Variants in CACNA1C observed in about 807,000 individuals in gnomAD.
CACNA1C encodes voltage-dependent L-type calcium channel subunit alpha-1C.
In CACNA1C, 30 loss-of-function variants were observed where a neutral mutation model predicts 229.0. That is an observed-to-expected ratio of 0.13 (90% confidence interval 0.10 to 0.18). The LOEUF (loss-of-function observed/expected upper bound fraction) is 0.18. Ranked by LOEUF, CACNA1C falls within the 10% of genes least tolerant of loss-of-function variation. CACNA1C has a pLI of 1.00. For synonymous variants in CACNA1C, 1,114 were observed against 1,132.5 expected (o/e 0.98, Z 0.33); for missense variants, 1,658 against 2,845.0 (o/e 0.58, Z 9.49).
At chr12:2,548,277 GC>G (rs1433117715) in intron 9 of CACNA1C, among the ~76,000 whole-genome samples, 3 of 152,174 alleles carry the variant, frequency 2.0e-5, no homozygotes, top group Non-Finnish European at 4.4e-5. Context: ...GGAATTCAGT[GC>G]CCCTGTTTGG....
intron 37 of CACNA1C, among the ~76,000 whole-genome samples, chr12:2,667,582 C>T (rs2096273261): frequency 1.3e-5 from 2 of 152,146 alleles, no homozygotes; most frequent in African/African-American, 2.4e-5. Context: ...TTTCCAAGGG[C>T]ATAGAAAATA....
intron 9 of CACNA1C, among the ~76,000 whole-genome samples, chr12:2,528,416 C>T (rs897768292): frequency 7.9e-5 from 12 of 152,208 alleles, no homozygotes; most frequent in African/African-American, 2.9e-4. Context: ...TTCTTAAGTC[C>T]TCAGACTCCT....
intron 3 of CACNA1C, among the ~76,000 whole-genome samples, chr12:2,409,244 A>G (rs1313804989): frequency 6.6e-6 from 1 of 152,160 alleles, no homozygotes; most frequent in African/African-American, 2.4e-5. Flanking sequence ...TTGAATTGGG[A>G]TGTTTGGGTT....
chr12:2,053,692 C>T lies in CACNA1C; in HGVS notation c.49+81C>T. The T allele has an allele frequency of 2.1e-6, 3 of 1,413,170 alleles. No individual in the cohort carries two copies. Among genetic ancestry groups the T allele is most frequent in the South Asian group, 1.4e-5 (1 of 70,158 alleles). 87.5% of individuals were successfully genotyped at this position (1,413,170 alleles called of 1,614,324 possible). On this transcript the variant is annotated intron_variant, in intron 1 of 46. Coordinates refer to ENST00000399655, the MANE Select transcript of CACNA1C (RefSeq NM_000719.7). The surrounding 1 kb of genome is among the most constrained non-coding windows in gnomAD (Gnocchi z 5.8). ...TGCCCTACCCGCGCTCCCCGCGGCCCCGGGGCCGGTCCCTGCGGAGTGGCC... is the reference window on the plus strand; with the variant it reads ...TGCCCTACCCGCGCTCCCCGCGGCCTCGGGGCCGGTCCCTGCGGAGTGGCC...
intron 19 of CACNA1C, 95 bp downstream of exon 19, chr12:2,593,440 A>T: frequency 7.6e-7 from 1 of 1,309,620 alleles, no homozygotes. Flanking sequence ...ATGGAGACTG[A>T]GACTCTCCCA....
chr12:2,604,520 G>A (rs2074351514), intron 22 of CACNA1C, among the ~76,000 whole-genome samples: 1 of 152,110 alleles, frequency 6.6e-6, no homozygotes, highest in African/African-American at 2.4e-5. Flanking sequence ...CGTTAGTACG[G>A]CATTCCTTTA....
chr12:2,228,017 C>G (rs574082010), intron 3 of CACNA1C, among the ~76,000 whole-genome samples: 3 of 152,254 alleles, frequency 2.0e-5, no homozygotes, highest in Admixed American at 1.3e-4. Flanking sequence ...TGCAAGATGT[C>G]CTTAGGTGGT....
At chr12:2,419,535 C>T (rs2098952574) in intron 3 of CACNA1C, among the ~76,000 whole-genome samples, 1 of 152,124 alleles carries the variant, frequency 6.6e-6, no homozygotes, top group Admixed American at 6.5e-5. Flanking sequence ...AGTTCCCTTT[C>T]TTTCTGTCAT....
At chr12:2,541,387 A>T (rs138052807) in intron 9 of CACNA1C, among the ~76,000 whole-genome samples, 1 of 152,366 alleles carries the variant, frequency 6.6e-6, no homozygotes, top group East Asian at 1.9e-4. Context: ...TATGCCGCTC[A>T]TATGCAAAAA....
chr12:2,444,946 C>T (rs1323137621), intron 3 of CACNA1C, among the ~76,000 whole-genome samples: 3 of 152,180 alleles, frequency 2.0e-5, no homozygotes, highest in African/African-American at 7.2e-5. Flanking sequence ...CGTATCTCAC[C>T]AGGTCATTCC....
In CACNA1C at chr12:2,649,801, T is replaced by C. The variant is rs934239103; in HGVS notation, c.3945+1294T>C. ...TCTCCACTTAAGCTTGTTCTTTTTT[T>C]TCTCCTTTCTCGAACACGGTGGAAC... On this transcript the variant is annotated intron_variant, in intron 31 of 46. Transcript: ENST00000399655. The surrounding 1 kb of genome is among the most constrained non-coding windows in gnomAD (Gnocchi z 4.4). Among the ~76,000 whole-genome samples the C allele has an allele frequency of 6.6e-6, 1 of 152,124 alleles. No homozygotes were observed. Among genetic ancestry groups the C allele is most frequent in the African/African-American group, 2.4e-5 (1 of 41,390 alleles).
chr12:2,440,314 TCTA>T (rs1373290838), intron 3 of CACNA1C, among the ~76,000 whole-genome samples: 1 of 152,156 alleles, frequency 6.6e-6, no homozygotes, highest in East Asian at 1.9e-4. Context: ...TAACCCGTAA[TCTA>T]CTGTGTGTCT....
chr12:2,214,742 C>CA (rs2059551146), intron 3 of CACNA1C, among the ~76,000 whole-genome samples: 1 of 50,306 alleles, frequency 2.0e-5, no homozygotes, highest in African/African-American at 1.5e-4. Context: ...GGTGTCACCG[C>CA]CAGCCCCCTT....
intron 3 of CACNA1C, among the ~76,000 whole-genome samples, chr12:2,279,843 A>T (rs2090412872): frequency 6.6e-6 from 1 of 152,196 alleles, no homozygotes; most frequent in Non-Finnish European, 1.5e-5. Flanking sequence ...ATATGGAGGG[A>T]TGTGGATAGG....
chr12:2,205,428 A>G (rs1379558593), intron 3 of CACNA1C, among the ~76,000 whole-genome samples: 2 of 152,212 alleles, frequency 1.3e-5, no homozygotes, highest in African/African-American at 4.8e-5. Context: ...CTTAATGTGA[A>G]AAGTCTGCTT....
chr12:2,697,786 C>G lies in CACNA1C; in HGVS notation c.*6587C>G, dbSNP rs1014843679. The G allele has an allele frequency of 6.6e-6, 1 of 152,596 alleles. No homozygotes were observed. Among genetic ancestry groups the G allele is most frequent in the Admixed American group, 6.5e-5 (1 of 15,284 alleles). The allele number at this position is 152,596 out of a possible 1,614,324, so 9.5% of individuals were successfully genotyped here. ...TCACCCTCGAGAAAGGCCAGGGAAT[C>G]TAGAAGGGGCAACCCTTCAAGGAGA... is the stretch of plus-strand genomic sequence containing the variant. On this transcript the variant is annotated 3_prime_UTR_variant, in exon 47 of 47. Transcript: ENST00000399655.
At chr12:2,613,509 T>C (rs886313516) in intron 29 of CACNA1C, 4 of 152,248 alleles carry the variant, frequency 2.6e-5, no homozygotes, top group African/African-American at 9.6e-5. Flanking sequence ...TGCAGATTCT[T>C]CTGTCACTCA....
At position 2,504,329 on chromosome 12, in the gene CACNA1C, AC is replaced by A. The variant is rs1349485413; in HGVS notation, c.1114-512del. The A allele has an allele frequency of 4.3e-6, 3 of 692,920 alleles. No homozygotes were observed. The highest frequency in any genetic ancestry group is 8.0e-6 in the Non-Finnish European group (3 of 377,182). The allele number at this position is 692,920 out of a possible 1,614,324, so 42.9% of individuals were successfully genotyped here. A position where few individuals can be genotyped will look rare whatever the true frequency, so the allele number is the denominator to read the frequency against. On this transcript the variant is annotated intron_variant, in intron 7 of 46. Coordinates refer to ENST00000399655, the MANE Select transcript of CACNA1C (RefSeq NM_000719.7). This position sits in a 1 kb window ranked among gnomAD's most constrained non-coding sequence, Gnocchi z 6.8. Reference sequence around the variant, plus strand: ...AACCTGGTGCACATGAACAAAGCCCACGTTCAGCCCCGTCTGTCCCCTCCCA... The same window carrying A: ...AACCTGGTGCACATGAACAAAGCCCAGTTCAGCCCCGTCTGTCCCCTCCCA...
intron 29 of CACNA1C, among the ~76,000 whole-genome samples, chr12:2,617,852 T>A (rs2532614): frequency 0.87 from 132,412 of 151,994 alleles, 60,128 homozygotes; most frequent in Non-Finnish European, 0.99. Flanking sequence ...CATGGGGAAG[T>A]TCACTTGCTT....
Sources: allele counts gnomAD v4.1 joint callset (sites outside exome capture counted in the v4.1 genomes callset), GRCh38; gene constraint gnomAD v4.1.1; non-coding constraint Gnocchi (gnomAD v3.1); transcripts MANE v1.5; gene names NCBI Gene and HGNC (gene_info 2026-07-23, HGNC 2026-07-21).